Variants in NXPH2 observed in about 807,000 individuals in gnomAD.
NXPH2 encodes the protein neurexophilin 2, also known as neurexophilin-2.
Under a neutral mutation model 19.8 loss-of-function variants are expected in NXPH2, and 5 were observed. That is an observed-to-expected ratio of 0.25 (90% confidence interval 0.13 to 0.53). The LOEUF is 0.53. Ranked by LOEUF, NXPH2 falls within the 20% of genes least tolerant of loss-of-function variation. The pLI is 0.96. For missense variants in NXPH2, 289 were observed against 322.8 expected (o/e 0.90, Z 0.80); for synonymous variants, 154 against 127.4 (o/e 1.21, Z -1.41).
intron 1 of NXPH2, among the ~76,000 whole-genome samples, chr2:138,707,031 A>C (rs1463696848): frequency 6.9e-6 from 1 of 145,694 alleles, no homozygotes; most frequent in Non-Finnish European, 1.5e-5. Context: ...TAAAAGGAAA[A>C]ATGTAAAAAT....
chr2:138,715,349 C>T (rs991429268), intron 1 of NXPH2, among the ~76,000 whole-genome samples: 8 of 152,132 alleles, frequency 5.3e-5, no homozygotes, highest in Admixed American at 1.3e-4. Context: ...ACCTTGGCTG[C>T]GACTTATAAT....
At chr2:138,688,621 T>C (rs1680698238) in intron 1 of NXPH2, among the ~76,000 whole-genome samples, 1 of 152,226 alleles carries the variant, frequency 6.6e-6, no homozygotes, top group African/African-American at 2.4e-5. Flanking sequence ...GTACCATTTA[T>C]TAATGCATTA....
intron 1 of NXPH2, among the ~76,000 whole-genome samples, chr2:138,747,318 C>A (rs532441447): frequency 6.6e-6 from 1 of 152,018 alleles, no homozygotes; most frequent in Non-Finnish European, 1.5e-5. Flanking sequence ...AGTTGTTGGG[C>A]GCATTGCTTG....
At chr2:138,702,656 A>T (rs1296570429) in intron 1 of NXPH2, among the ~76,000 whole-genome samples, 2 of 151,166 alleles carry the variant, frequency 1.3e-5, no homozygotes, top group Admixed American at 6.6e-5. Context: ...GTGACAAATG[A>T]AGCCAGAGGG....
chr2:138,755,652 C>G (rs4439900), intron 1 of NXPH2, among the ~76,000 whole-genome samples: 7,302 of 152,014 alleles, frequency 0.048, 246 homozygotes, highest in Middle Eastern at 0.075. Context: ...GTTGGATATT[C>G]TAGGTATTGG....
intron 1 of NXPH2, among the ~76,000 whole-genome samples, chr2:138,695,762 G>A (rs926601327): frequency 4.1e-4 from 62 of 151,940 alleles, no homozygotes; most frequent in African/African-American, 1.5e-3. Flanking sequence ...AATCAAAATG[G>A]GAACATAGGC....
At chr2:138,772,122 C>T (rs961674961) in intron 1 of NXPH2, among the ~76,000 whole-genome samples, 1 of 152,102 alleles carries the variant, frequency 6.6e-6, no homozygotes, top group Non-Finnish European at 1.5e-5. Context: ...CACACTTTCT[C>T]TCTCCTTTTT....
rs191082937 is a variant in NXPH2 at position 138,771,320 on chromosome 2, G to C, written c.51+8871C>G. 1.7e-3 allele frequency among the ~76,000 whole-genome samples: 252 copies of C among 152,186 alleles called. 1 individual carries two copies. The highest frequency in any genetic ancestry group is 5.8e-3 in the African/African-American group (239 of 41,510). On this transcript the variant is annotated intron_variant, in intron 1 of 1. Transcript: ENST00000272641. The stretch of plus-strand genomic sequence containing the variant: ...TTAAAAAAGCTTGTTACAGAACATG[G>C]TACTGTGCATGATATAATTATTATA...
At chr2:138,737,774 A>G (rs889191531) in intron 1 of NXPH2, among the ~76,000 whole-genome samples, 1 of 152,178 alleles carries the variant, frequency 6.6e-6, no homozygotes, top group Non-Finnish European at 1.5e-5. Flanking sequence ...GAGGCAACTA[A>G]AAAAGTGGAG....
chr2:138,779,817 A>C (rs1682322788), intron 1 of NXPH2, among the ~76,000 whole-genome samples: 1 of 152,132 alleles, frequency 6.6e-6, no homozygotes. Context: ...CAAGCCTCTC[A>C]AACTGTGAAC....
chr2:138,705,305 T>A (rs1680992127), intron 1 of NXPH2, among the ~76,000 whole-genome samples: 1 of 152,136 alleles, frequency 6.6e-6, no homozygotes, highest in African/African-American at 2.4e-5. Flanking sequence ...CTTTTTTTCC[T>A]TCTTGATTTG....
intron 1 of NXPH2, among the ~76,000 whole-genome samples, chr2:138,683,677 A>G (rs1054953020): frequency 4.6e-5 from 7 of 152,112 alleles, no homozygotes; most frequent in South Asian, 2.1e-4. Flanking sequence ...AGTTAACCAA[A>G]CACTAATTTA....
At chr2:138,736,188 T>C (rs1272871732) in intron 1 of NXPH2, among the ~76,000 whole-genome samples, 1 of 152,200 alleles carries the variant, frequency 6.6e-6, no homozygotes, top group African/African-American at 2.4e-5. Context: ...GGTATCCCAG[T>C]TGGGACTCTG....
chr2:138,756,263 A>T (rs1681906671), intron 1 of NXPH2, among the ~76,000 whole-genome samples: 1 of 152,052 alleles, frequency 6.6e-6, no homozygotes, highest in African/African-American at 2.4e-5. Flanking sequence ...TTTGATCAAA[A>T]CATATAATGC....
At chr2:138,767,958 T>C (rs913396133) in intron 1 of NXPH2, among the ~76,000 whole-genome samples, 11 of 152,270 alleles carry the variant, frequency 7.2e-5, no homozygotes, top group Middle Eastern at 3.4e-3. Context: ...ACCTTGTAGT[T>C]CACCAGTATG....
chr2:138,722,688 G>A (rs1464051915), intron 1 of NXPH2, among the ~76,000 whole-genome samples: 1 of 152,242 alleles, frequency 6.6e-6, no homozygotes, highest in East Asian at 1.9e-4. Context: ...AGGTGGAAGA[G>A]GTGTTCAGTG....
At chr2:138,711,565 G>A (rs868377362) in intron 1 of NXPH2, among the ~76,000 whole-genome samples, 16 of 152,060 alleles carry the variant, frequency 1.1e-4, no homozygotes, top group African/African-American at 3.4e-4. Flanking sequence ...AATTGAATCC[G>A]TCTTTGGTTG....
At chr2:138,759,073 T>G (rs1458909437) in intron 1 of NXPH2, among the ~76,000 whole-genome samples, 1 of 152,178 alleles carries the variant, frequency 6.6e-6, no homozygotes, top group Non-Finnish European at 1.5e-5. Flanking sequence ...TTCAAAAGAC[T>G]CTGGTGCATC....
intron 1 of NXPH2, among the ~76,000 whole-genome samples, chr2:138,735,091 T>G (rs1681518681): frequency 6.6e-6 from 1 of 152,208 alleles, no homozygotes; most frequent in South Asian, 2.1e-4. Flanking sequence ...GAAATGGCGC[T>G]GTTCTGGCAA....
Sources: gnomAD v4.1 joint callset for allele counts (sites outside exome capture counted in the v4.1 genomes callset) on GRCh38, gnomAD v4.1.1 for gene constraint, MANE v1.5 for transcripts, NCBI Gene and HGNC (gene_info 2026-07-23, HGNC 2026-07-21) for gene names.